ASB18: variants seen among roughly 807,000 people sequenced by gnomAD.
ASB18 encodes the protein ankyrin repeat and SOCS box protein 18.
In ASB18, 33 loss-of-function variants were observed where a neutral mutation model predicts 33.4. That is an observed-to-expected ratio of 0.99 (90% confidence interval 0.75 to 1.32). The LOEUF (loss-of-function observed/expected upper bound fraction) is 1.32, where lower values mean the gene tolerates loss of function less well. Among genes scored for constraint, ASB18 ranks in the 40% most tolerant of loss-of-function variants. The pLI is 0.00. For synonymous variants in ASB18, 295 were observed against 307.6 expected (o/e 0.96, Z 0.43); for missense variants, 694 against 655.5 (o/e 1.06, Z -0.64).
chr2:236,237,806 C>A lies in ASB18; in HGVS notation c.479G>T (p.Cys160Phe). 1 of 1,421,280 alleles carries A rather than the reference C, an allele frequency of 7.0e-7. No individual in the cohort carries two copies. The highest frequency in any genetic ancestry group is 1.4e-5 in the South Asian group (1 of 69,080). 88.0% of individuals were successfully genotyped at this position (1,421,280 alleles called of 1,614,324 possible). ...GACGCAGGCGGTGTGGCCCCCGAGG[C>A]AGGCCTCGTGCAGGGCGCCGCGGCC... ...PGGRGALHEA[C>F]LGGHTACVRL... is the part of the protein sequence containing the mutation. Residue 160 changes from cysteine (C) to phenylalanine (F), a missense_variant, in exon 3 of 6, where the codon TGC (cysteine) becomes TTC (phenylalanine). Physicochemically the swap from Cys to Phe is radical, Grantham distance 205. Coordinates refer to ENST00000409749, the MANE Select transcript of ASB18 (RefSeq NM_212556.4). This position sits in a 1 kb window ranked among gnomAD's most constrained non-coding sequence, Gnocchi z 6.2.
At chr2:236,207,396 C>G (rs2060439669) in intron 4 of ASB18, among the ~76,000 whole-genome samples, 1 of 152,226 alleles carries the variant, frequency 6.6e-6, no homozygotes, top group African/African-American at 2.4e-5. Flanking sequence ...ATCCCACAAG[C>G]TATGTCTTCT....
intron 4 of ASB18, among the ~76,000 whole-genome samples, chr2:236,210,718 G>A (rs1192220672): frequency 1.3e-5 from 2 of 152,196 alleles, no homozygotes; most frequent in Admixed American, 6.5e-5. Context: ...GTTCATGGAC[G>A]GGTGTCAGGT....
rs573682683 is a variant in ASB18 at position 236,259,003 on chromosome 2, C to T, written c.205+5138G>A. ...AGTTGTTTCTTAAGTCGTTTGATTA[C>T]ACCAGTTACCAAATTGTACAGTTGA... On this transcript the variant is annotated intron_variant, in intron 1 of 5. Transcript: ENST00000409749. This position sits in a 1 kb window ranked among gnomAD's most constrained non-coding sequence, Gnocchi z 4.4. Among the ~76,000 whole-genome samples, 4 of 152,264 alleles carry T rather than the reference C, an allele frequency of 2.6e-5. No individual in the cohort carries two copies. In the South Asian group the frequency reaches 6.2e-4, roughly 24 times the overall value.
rs368128957 is a variant in ASB18, at chr2:236,217,102, AC to A, written c.597-2237del. Among the ~76,000 whole-genome samples the A allele has an allele frequency of 3.0e-4, 46 of 152,178 alleles. No individual in the cohort carries two copies. The highest frequency in any genetic ancestry group is 1.0e-3 in the South Asian group (5 of 4,814). ...CACTATGTGCCCAGGCACATTGGTC[AC>A]CCCATATTTCAAATATTTGTTGGGC... On this transcript the variant is annotated intron_variant, in intron 3 of 5. Coordinates refer to ENST00000409749, the MANE Select transcript of ASB18 (RefSeq NM_212556.4). The surrounding 1 kb of genome is among the most constrained non-coding windows in gnomAD (Gnocchi z 5.2).
At position 236,249,323 on chromosome 2, in the gene ASB18, G is replaced by T. The variant is rs1001219189; in HGVS notation, c.206-7921C>A. On this transcript the variant is annotated intron_variant, in intron 1 of 5. Transcript: ENST00000409749. The surrounding 1 kb of genome is among the most constrained non-coding windows in gnomAD (Gnocchi z 4.6). The stretch of plus-strand genomic sequence containing the variant: ...TGGCTTCTTTGATTTTTCTTGGTTG[G>T]TTGGTTTGTTTTCAAGCTAGCCCAC... The T allele has an allele frequency of 1.3e-5, 2 of 152,188 alleles. No homozygotes were observed. Among genetic ancestry groups the T allele is most frequent in the Non-Finnish European group, 2.9e-5 (2 of 68,074 alleles). 9.4% of individuals were successfully genotyped at this position (152,188 alleles called of 1,614,324 possible). A position where few individuals can be genotyped will look rare whatever the true frequency, so the allele number is the denominator to read the frequency against.
Position 236,264,002 on chromosome 2 carries a change from T to A in ASB18, c.205+139A>T, listed in dbSNP as rs943624747. The A allele has an allele frequency of 1.7e-5, 12 of 699,064 alleles. No individual in the cohort carries two copies. The highest frequency in any genetic ancestry group is 3.0e-5 in the Non-Finnish European group (12 of 404,532). 43.3% of individuals were successfully genotyped at this position (699,064 alleles called of 1,614,324 possible). A position where few individuals can be genotyped will look rare whatever the true frequency, so the allele number is the denominator to read the frequency against. ...GGTCTATGCAGTACACATATATGCATGTATGTATGAGAGTCAGATATCCGA... is the reference window on the plus strand; with the variant it reads ...GGTCTATGCAGTACACATATATGCAAGTATGTATGAGAGTCAGATATCCGA... On this transcript the variant is annotated intron_variant, in intron 1 of 5. Transcript: ENST00000409749. The surrounding 1 kb of genome is among the most constrained non-coding windows in gnomAD (Gnocchi z 5.1).
chr2:236,264,226 G>T lies in ASB18; in HGVS notation c.120C>A (p.Ile40=), dbSNP rs770953230. The change falls in exon 1 of 6, where the codon ATC becomes ATA. Residue 40 remains isoleucine, a synonymous_variant. Transcript: ENST00000409749. The surrounding 1 kb of genome is among the most constrained non-coding windows in gnomAD (Gnocchi z 5.1). ...GTTCTATCACAGCGTCCACAGGCGT[G>T]ATTTCAGTGCAGATTAAATCCCTCA... is the stretch of plus-strand genomic sequence containing the variant. ...ERVRDLICTE[I]TPVDAVIELA... 7.4e-6 allele frequency: 12 copies of T among 1,613,862 alleles called. No homozygotes were observed. Among genetic ancestry groups the T allele is most frequent in the Non-Finnish European group, 9.3e-6 (11 of 1,179,886 alleles).
Position 236,258,384 on chromosome 2 carries a change from C to T in ASB18, c.205+5757G>A, listed in dbSNP as rs368411655. Among the ~76,000 whole-genome samples, 227 of 152,324 alleles carry T rather than the reference C, an allele frequency of 1.5e-3. 9 individuals are homozygous for T. In the South Asian group the frequency reaches 0.046, roughly 31 times the overall value. ...ATTAAGGTTCAAAGAGGTGGTCTGA[C>T]ATGTTCAAGGTCACACAGGTCACGG... is the stretch of plus-strand genomic sequence containing the variant. On this transcript the variant is annotated intron_variant, in intron 1 of 5. Coordinates refer to ENST00000409749, the MANE Select transcript of ASB18 (RefSeq NM_212556.4).
At position 236,250,303 on chromosome 2, in the gene ASB18, G is replaced by C. The variant is rs1211479949; in HGVS notation, c.206-8901C>G. On this transcript the variant is annotated intron_variant, in intron 1 of 5. Transcript: ENST00000409749. This position sits in a 1 kb window ranked among gnomAD's most constrained non-coding sequence, Gnocchi z 4.1. ...ATTCTCCATGGCCACAACTTTCCAT[G>C]CCTTCAAGCCAAGAGGTAGAATTTT... 6.6e-6 allele frequency: 1 copy of C among 152,234 alleles called. No individual in the cohort carries two copies. The highest frequency in any genetic ancestry group is 1.5e-5 in the Non-Finnish European group (1 of 68,054). 9.4% of individuals were successfully genotyped at this position (152,234 alleles called of 1,614,324 possible).
chr2:236,250,024 T>C lies in ASB18; in HGVS notation c.206-8622A>G, dbSNP rs2060662098. ...AGTTCTTTATAATTGAGTCCTATAGTGTAGGTAGCTAATGAGAAGGAGTTT... is the reference window on the plus strand; with the variant it reads ...AGTTCTTTATAATTGAGTCCTATAGCGTAGGTAGCTAATGAGAAGGAGTTT... On this transcript the variant is annotated intron_variant, in intron 1 of 5. Transcript: ENST00000409749. This position sits in a 1 kb window ranked among gnomAD's most constrained non-coding sequence, Gnocchi z 4.1. The C allele has an allele frequency of 6.6e-6, 1 of 152,168 alleles. No individual in the cohort carries two copies. Among genetic ancestry groups the C allele is most frequent in the Non-Finnish European group, 1.5e-5 (1 of 68,034 alleles). The allele number at this position is 152,168 out of a possible 1,614,324, so 9.4% of individuals were successfully genotyped here. A position where few individuals can be genotyped will look rare whatever the true frequency, so the allele number is the denominator to read the frequency against.
chr2:236,258,240 C>CG (rs1320904632), intron 1 of ASB18, among the ~76,000 whole-genome samples: 2 of 152,128 alleles, frequency 1.3e-5, no homozygotes, highest in Admixed American at 1.3e-4. Flanking sequence ...CAGTGTGGGT[C>CG]GGGAGGCTTT....
chr2:236,214,318 C>A lies in ASB18; in HGVS notation c.1101+44G>T. On this transcript the variant is annotated intron_variant, in intron 4 of 5. Transcript: ENST00000409749. This position sits in a 1 kb window ranked among gnomAD's most constrained non-coding sequence, Gnocchi z 6.5. The stretch of plus-strand genomic sequence containing the variant: ...AGCTCCCAGGCCGGTCACTAAGTGG[C>A]AAAACTCCAGGGCACGTGCCAGCCG... 1 of 1,538,522 alleles carries A rather than the reference C, an allele frequency of 6.5e-7. No individual in the cohort carries two copies. The highest frequency in any genetic ancestry group is 8.7e-7 in the Non-Finnish European group (1 of 1,145,510).
At position 236,219,330 on chromosome 2, in the gene ASB18, A is replaced by G. The variant is rs901708894; in HGVS notation, c.597-4464T>C. Among the ~76,000 whole-genome samples the G allele has an allele frequency of 2.6e-5, 4 of 152,220 alleles. No homozygotes were observed. The highest frequency in any genetic ancestry group is 9.6e-5 in the African/African-American group (4 of 41,452). ...AAGAACCACAACAGAGGTTATTAAT[A>G]ACAAAACCATCCCCACCTGCTCCAG... On this transcript the variant is annotated intron_variant, in intron 3 of 5. Transcript: ENST00000409749. The surrounding 1 kb of genome is among the most constrained non-coding windows in gnomAD (Gnocchi z 6.4).
chr2:236,230,363 AC>A (rs1233889097), intron 3 of ASB18, among the ~76,000 whole-genome samples: 1 of 149,920 alleles, frequency 6.7e-6, no homozygotes, highest in Non-Finnish European at 1.5e-5. Context: ...TAAAGAAAGC[AC>A]TTCAAGCAGA....
chr2:236,206,126 A>G (rs1251925351), intron 4 of ASB18, among the ~76,000 whole-genome samples: 1 of 149,546 alleles, frequency 6.7e-6, no homozygotes, highest in Non-Finnish European at 1.5e-5. Context: ...CTGCAGTAAC[A>G]TCACTTATCT....
In ASB18 at chr2:236,213,099, G is replaced by C. The variant is rs1050773368; in HGVS notation, c.1101+1263C>G. On this transcript the variant is annotated intron_variant, in intron 4 of 5. Coordinates refer to ENST00000409749, the MANE Select transcript of ASB18 (RefSeq NM_212556.4). The surrounding 1 kb of genome is among the most constrained non-coding windows in gnomAD (Gnocchi z 4.8). ...TAAAATGTAAATTATAAATATAAAA[G>C]GTAGCTGTCACAGAACATAAAAATG... 6.6e-6 allele frequency among the ~76,000 whole-genome samples: 1 copy of C among 152,168 alleles called. No homozygotes were observed. Among genetic ancestry groups the C allele is most frequent in the Admixed American group, 6.5e-5 (1 of 15,276 alleles).
chr2:236,243,126 C>G (rs983588008), intron 1 of ASB18, among the ~76,000 whole-genome samples: 4 of 149,540 alleles, frequency 2.7e-5, no homozygotes, highest in Non-Finnish European at 5.9e-5. Flanking sequence ...GTCAGGAGAT[C>G]GAGATCATCC....
Position 236,251,741 on chromosome 2 carries a change from T to C in ASB18, c.206-10339A>G, listed in dbSNP as rs1373885980. ...GAACTGTAAGTGACTGCTGAAACAC[T>C]GGACTGCTAATCACGTTCAATTTTA... On this transcript the variant is annotated intron_variant, in intron 1 of 5. Transcript: ENST00000409749. The surrounding 1 kb of genome is among the most constrained non-coding windows in gnomAD (Gnocchi z 5.3). Among the ~76,000 whole-genome samples, 1 of 152,224 alleles carries C rather than the reference T, an allele frequency of 6.6e-6. No individual in the cohort carries two copies. Among genetic ancestry groups the C allele is most frequent in the Non-Finnish European group, 1.5e-5 (1 of 68,040 alleles).
rs1320515517 is a variant in ASB18 at position 236,194,222 on chromosome 2, G to A, written c.*650C>T. On this transcript the variant is annotated 3_prime_UTR_variant, in exon 6 of 6. Transcript: ENST00000409749. The surrounding 1 kb of genome is among the most constrained non-coding windows in gnomAD (Gnocchi z 4.5). ...GGTGACTGTTCTGAACTTCGTGGTG[G>A]TAGGAGGTGCTCCTGACAAGGTTCG... is the stretch of plus-strand genomic sequence containing the variant. Among the ~76,000 whole-genome samples the A allele has an allele frequency of 2.6e-5, 4 of 152,326 alleles. No homozygotes were observed. The South Asian group carries it at 8.3e-4, about 32-fold the overall frequency.
Sources: gnomAD v4.1 joint callset for allele counts (sites outside exome capture counted in the v4.1 genomes callset) on GRCh38, gnomAD v4.1.1 for gene constraint, Gnocchi (gnomAD v3.1) non-coding constraint, MANE v1.5 for transcripts, NCBI Gene and HGNC (gene_info 2026-07-23, HGNC 2026-07-21) for gene names.